The following RSPO2 variants were observed in gnomAD, a reference collection of about 807,000 sequenced individuals.
RSPO2 encodes R-spondin 2.
Under a neutral mutation model 30.9 loss-of-function variants are expected in RSPO2, and 14 were observed. The ratio of observed to expected loss-of-function variants is 0.45; its 90% CI spans 0.30 to 0.71. RSPO2 has a LOEUF of 0.71. Among genes scored for constraint, RSPO2 ranks in the 30% least tolerant of loss-of-function variants. The pLI is 0.08. For missense variants in RSPO2, 264 were observed against 301.9 expected (o/e 0.87, Z 0.93); for synonymous variants, 107 against 96.4 (o/e 1.11, Z -0.64).
chr8:107,912,619 G>T (rs148476657), intron 5 of RSPO2, among the ~76,000 whole-genome samples: 10 of 152,282 alleles, frequency 6.6e-5, no homozygotes, highest in African/African-American at 9.6e-5. Context: ...CTTTTTAAAA[G>T]GCTGTCTAGT....
chr8:107,904,035 T>C (rs1811559245), intron 5 of RSPO2, among the ~76,000 whole-genome samples: 1 of 151,974 alleles, frequency 6.6e-6, no homozygotes, highest in Admixed American at 6.6e-5. Context: ...TTTTCAAACA[T>C]GAGAAAAGAA....
At chr8:108,042,970 G>A (rs1303891715) in intron 2 of RSPO2, among the ~76,000 whole-genome samples, 1 of 152,082 alleles carries the variant, frequency 6.6e-6, no homozygotes, top group Non-Finnish European at 1.5e-5. Context: ...GTTGCAAGGA[G>A]CAAATGAAAT....
rs151215967 is a variant in RSPO2 at position 108,026,403 on chromosome 8, C to A, written c.95-37159G>T. ...TTTGAATGTTATCTAGACTAGATAA[C>A]AGTATTATATCAGTGCTAGTTTCCT... On this transcript the variant is annotated intron_variant, in intron 2 of 5. Coordinates refer to ENST00000276659, the MANE Select transcript of RSPO2 (RefSeq NM_178565.5). 8.1e-3 allele frequency among the ~76,000 whole-genome samples: 1,229 copies of A among 152,122 alleles called. 17 individuals carry two copies. The highest frequency in any genetic ancestry group is 0.028 in the African/African-American group (1,182 of 41,514).
At position 108,059,565 on chromosome 8, in the gene RSPO2, C is replaced by T. The variant is rs1055774718; in HGVS notation, c.94+22980G>A. Among the ~76,000 whole-genome samples, 112 of 149,892 alleles carry T rather than the reference C, an allele frequency of 7.5e-4. 1 individual carries two copies. In the South Asian group the frequency reaches 0.014, roughly 19 times the overall value. ...GACACATGCACACGTATGTTTATTG[C>T]GGCACTATTCACAATAGCAAAGACT... is the stretch of plus-strand genomic sequence containing the variant. On this transcript the variant is annotated intron_variant, in intron 2 of 5. Coordinates refer to ENST00000276659, the MANE Select transcript of RSPO2 (RefSeq NM_178565.5).
chr8:107,994,169 C>A (rs992796904), intron 2 of RSPO2, among the ~76,000 whole-genome samples: 1 of 152,172 alleles, frequency 6.6e-6, no homozygotes, highest in South Asian at 2.1e-4. Context: ...TTTGGTTACA[C>A]AAATGTATAC....
chr8:108,053,823 G>C (rs1172756879), intron 2 of RSPO2, among the ~76,000 whole-genome samples: 2 of 152,070 alleles, frequency 1.3e-5, no homozygotes, highest in Non-Finnish European at 2.9e-5. Context: ...AGAAACGTAA[G>C]AACCACTTTA....
intron 5 of RSPO2, among the ~76,000 whole-genome samples, chr8:107,924,822 GCACACACACACA>G (rs59249399): frequency 1.3e-5 from 2 of 148,306 alleles, no homozygotes; most frequent in Non-Finnish European, 3.0e-5. Flanking sequence ...CACCTAACAT[GCACACACACACA>G]CACACACACA....
At chr8:107,910,476 T>C (rs1811787470) in intron 5 of RSPO2, among the ~76,000 whole-genome samples, 1 of 152,182 alleles carries the variant, frequency 6.6e-6, no homozygotes, top group African/African-American at 2.4e-5. Context: ...GAGGCTGCAG[T>C]GAGCTATGAT....
Position 107,989,134 on chromosome 8 carries a change from G to T in RSPO2, c.205C>A (p.Arg69Ser), listed in dbSNP as rs758888137. 8.1e-6 allele frequency: 13 copies of T among 1,611,794 alleles called. No individual in the cohort carries two copies. Among genetic ancestry groups the T allele is most frequent in the African/African-American group, 2.7e-5 (2 of 74,748 alleles). Residue 69 changes from arginine to serine, a missense_variant, in exon 3 of 6, where the codon CGC (arginine) becomes AGC (serine). Transcript: ENST00000276659. ...LFFFLRREGM[R>S]QYGECLHSCP... is the part of the protein sequence containing the mutation. ...GAATGCAGGCACTCTCCATACTGGCGCATCCCTTCTCTTCGAAGGAAGAAG... is the reference window on the plus strand; with the variant it reads ...GAATGCAGGCACTCTCCATACTGGCTCATCCCTTCTCTTCGAAGGAAGAAG...
intron 3 of RSPO2, among the ~76,000 whole-genome samples, chr8:107,978,432 G>T (rs573548277): frequency 2.8e-4 from 42 of 152,204 alleles, no homozygotes; most frequent in African/African-American, 7.5e-4. Flanking sequence ...ATGGGGAAAG[G>T]ATTCCCTATT....
intron 2 of RSPO2, among the ~76,000 whole-genome samples, chr8:108,070,260 C>T (rs1421099128): frequency 6.8e-6 from 1 of 147,190 alleles, no homozygotes; most frequent in South Asian, 2.2e-4. Context: ...GCCTGGGCAA[C>T]ACAGCAAGAC....
intron 5 of RSPO2, among the ~76,000 whole-genome samples, chr8:107,917,819 T>C (rs1196460709): frequency 1.3e-5 from 2 of 152,210 alleles, no homozygotes; most frequent in Admixed American, 6.5e-5. Flanking sequence ...ATAATTGTTA[T>C]GTAAAATTGT....
At chr8:107,960,005 C>A (rs1454480190) in intron 4 of RSPO2, among the ~76,000 whole-genome samples, 2 of 152,004 alleles carry the variant, frequency 1.3e-5, no homozygotes, top group Non-Finnish European at 2.9e-5. Context: ...GACAATACAT[C>A]CATGATTAGA....
At chr8:108,000,238 T>A (rs1815193700) in intron 2 of RSPO2, among the ~76,000 whole-genome samples, 1 of 152,302 alleles carries the variant, frequency 6.6e-6, no homozygotes, top group East Asian at 1.9e-4. Context: ...ACATTCGAGA[T>A]AATCTGTCAA....
At chr8:107,996,680 C>A (rs2130545188) in intron 2 of RSPO2, among the ~76,000 whole-genome samples, 1 of 152,200 alleles carries the variant, frequency 6.6e-6, no homozygotes, top group Non-Finnish European at 1.5e-5. Flanking sequence ...TCATGCTCCA[C>A]AGTAAGAAGT....
At chr8:107,906,938 T>C (rs1389209185) in intron 5 of RSPO2, among the ~76,000 whole-genome samples, 4 of 151,906 alleles carry the variant, frequency 2.6e-5, no homozygotes, top group Non-Finnish European at 4.4e-5. Flanking sequence ...ATCTACTCTT[T>C]GCAATTTTCA....
chr8:107,957,668 T>G lies in RSPO2; in HGVS notation c.616+412A>C, dbSNP rs571197125. ...CATCTTCAACTAGTAATGATACAGA[T>G]GATTTTACAGACTCCATAAACCTTT... On this transcript the variant is annotated intron_variant, in intron 5 of 5. Transcript: ENST00000276659. Among the ~76,000 whole-genome samples, 58 of 152,292 alleles carry G rather than the reference T, an allele frequency of 3.8e-4. No homozygotes were observed. The South Asian group carries it at 0.011, about 30-fold the overall frequency.
chr8:107,947,012 G>A (rs1009338439), intron 5 of RSPO2, among the ~76,000 whole-genome samples: 1 of 152,224 alleles, frequency 6.6e-6, no homozygotes, highest in African/African-American at 2.4e-5. Context: ...TTAGAATTCA[G>A]AGGAATGAAT....
chr8:107,978,020 A>G (rs1301747894), intron 3 of RSPO2, among the ~76,000 whole-genome samples: 1 of 152,086 alleles, frequency 6.6e-6, no homozygotes, highest in African/African-American at 2.4e-5. Context: ...CAACATTTCT[A>G]AACCTGAACT....
Sources: gnomAD v4.1 joint callset for allele counts (sites outside exome capture counted in the v4.1 genomes callset) on GRCh38, gnomAD v4.1.1 for gene constraint, MANE v1.5 for transcripts, NCBI Gene and HGNC (gene_info 2026-07-23, HGNC 2026-07-21) for gene names.